Variants in GC observed in about 807,000 individuals in gnomAD.
The protein encoded by GC is GC vitamin D binding protein.
A neutral mutation model predicts 56.7 loss-of-function variants in GC; 43 were observed. That is an observed-to-expected ratio of 0.76 (90% CI 0.59 to 0.98). GC has a LOEUF of 0.98. GC is among the 50% of genes least tolerant of loss of function. The pLI is 0.00. For synonymous variants in GC, 216 were observed against 202.7 expected, an observed-to-expected ratio of 1.07 and a Z score of -0.56; for missense variants, 529 against 545.9, an observed-to-expected ratio of 0.97 and a Z score of 0.31.
intron 1 of GC, among the ~76,000 whole-genome samples, chr4:71,792,365 G>A (rs1275787688): frequency 1.3e-5 from 2 of 152,122 alleles, no homozygotes; most frequent in Non-Finnish European, 2.9e-5. Flanking sequence ...ATTCTAACTG[G>A]CGTGAGATGG....
At chr4:71,797,971 AT>A (rs1034973716) in intron 1 of GC, among the ~76,000 whole-genome samples, 1 of 152,166 alleles carries the variant, frequency 6.6e-6, no homozygotes, top group Admixed American at 6.5e-5. Context: ...AGTTACACAT[AT>A]TCCCAATGTT....
intron 1 of GC, among the ~76,000 whole-genome samples, chr4:71,782,330 G>A (rs1312478970): frequency 6.6e-6 from 1 of 151,746 alleles, no homozygotes; most frequent in Non-Finnish European, 1.5e-5. Context: ...TAGCTTCTAA[G>A]TAAACTGCTG....
chr4:71,791,999 C>T (rs148568110), intron 1 of GC, among the ~76,000 whole-genome samples: 18,125 of 152,086 alleles, frequency 0.12, 1,492 homozygotes, highest in African/African-American at 0.23. Flanking sequence ...ATGAACTCAT[C>T]CTTTTTTATG....
At chr4:71,784,162 T>G, upstream of GC, 1 of 1,335,704 alleles carries the variant, frequency 7.5e-7, no homozygotes, top group East Asian at 2.9e-5. Context: ...AACACAGAAT[T>G]ATTATTAAAC....
intron 12 of GC, among the ~76,000 whole-genome samples, chr4:71,744,607 A>T (rs1247828076): frequency 3.3e-5 from 5 of 152,150 alleles, no homozygotes; most frequent in African/African-American, 1.2e-4. Context: ...AACATACAAC[A>T]CTAAGGAAAT....
chr4:71,765,365 G>A lies in GC; in HGVS notation c.473+67C>T, dbSNP rs1349062599. On this transcript the variant is annotated intron_variant, in intron 4 of 12. Coordinates refer to ENST00000273951, the MANE Select transcript of GC (RefSeq NM_000583.4). ...TAGAAGAGGTGTTTCCACAGAGTAG[G>A]GGGTTAGATTAGAGTCATTTCTGAT... is the stretch of plus-strand genomic sequence containing the variant. The A allele has an allele frequency of 2.7e-5, 33 of 1,228,506 alleles. 1 individual carries two copies. Among genetic ancestry groups the A allele is most frequent in the Non-Finnish European group, 3.1e-5 (26 of 831,558 alleles). 76.1% of individuals were successfully genotyped at this position (1,228,506 alleles called of 1,614,324 possible). A position where few individuals can be genotyped will look rare whatever the true frequency, so the allele number is the denominator to read the frequency against.
intron 12 of GC, among the ~76,000 whole-genome samples, chr4:71,744,458 CAAA>C (rs35292398): frequency 6.0e-5 from 5 of 83,716 alleles, no homozygotes; most frequent in East Asian, 3.5e-4. Context: ...GACTCCATCT[CAAA>C]AAAAAAAAAA....
intron 1 of GC, among the ~76,000 whole-genome samples, chr4:71,773,228 C>T (rs1742398589): frequency 6.6e-6 from 1 of 152,032 alleles, no homozygotes; most frequent in Non-Finnish European, 1.5e-5. Flanking sequence ...TGAAGTGACC[C>T]CCCACAGTAC....
At chr4:71,778,897 A>G (rs506052) in intron 1 of GC, among the ~76,000 whole-genome samples, 418 of 29,148 alleles carry the variant, frequency 0.014, 7 homozygotes, top group Non-Finnish European at 0.073. Context: ...GTCAGTTATT[A>G]TTATTATTAT....
intron 11 of GC, among the ~76,000 whole-genome samples, chr4:71,746,476 A>G (rs960259168): frequency 6.6e-6 from 1 of 151,942 alleles, no homozygotes; most frequent in Non-Finnish European, 1.5e-5. Flanking sequence ...ATTGGGTGCA[A>G]ACAGAATGTT....
Position 71,763,925 on chromosome 4 carries a change from T to TC in GC, c.484dup (p.Glu162GlyfsTer5). On this transcript the variant is annotated frameshift_variant, in exon 5 of 13. Transcript: ENST00000273951. LOFTEE classifies it high-confidence loss of function. ...AGCTTGTCCGTAATTAGTGGAATAT[T>TC]CCCACATAAATCTGTGGAGGAAAAA... 6.2e-7 allele frequency: 1 copy of TC among 1,610,552 alleles called. No homozygotes were observed. Among genetic ancestry groups the TC allele is most frequent in the Non-Finnish European group, 8.5e-7 (1 of 1,177,352 alleles).
intron 4 of GC, among the ~76,000 whole-genome samples, chr4:71,765,062 T>C (rs1025811799): frequency 2.0e-5 from 3 of 152,188 alleles, no homozygotes; most frequent in Non-Finnish European, 1.5e-5. Flanking sequence ...AAATTAAGTA[T>C]TTAAAATGTG....
chr4:71,779,115 A>G (rs1194574057), intron 1 of GC, among the ~76,000 whole-genome samples: 1 of 151,744 alleles, frequency 6.6e-6, no homozygotes, highest in Non-Finnish European at 1.5e-5. Context: ...ATACATATAC[A>G]AAAACCCAAT....
chr4:71,791,558 C>A (rs1742968002), intron 1 of GC, among the ~76,000 whole-genome samples: 1 of 152,030 alleles, frequency 6.6e-6, no homozygotes, highest in Admixed American at 6.6e-5. Context: ...TATCCATGAA[C>A]TTAAAATATC....
At chr4:71,766,009 T>C (rs1742144002) in intron 3 of GC, among the ~76,000 whole-genome samples, 1 of 152,170 alleles carries the variant, frequency 6.6e-6, no homozygotes, top group African/African-American at 2.4e-5. Context: ...CCACAGATGA[T>C]TCTGTCATTA....
chr4:71,781,048 T>C (rs1201984906), intron 1 of GC, among the ~76,000 whole-genome samples: 2 of 152,232 alleles, frequency 1.3e-5, no homozygotes, highest in African/African-American at 2.4e-5. Flanking sequence ...TGGAATACTA[T>C]GCAGCCATAA....
At chr4:71,761,680 A>C (rs1284431809) in intron 6 of GC, among the ~76,000 whole-genome samples, 1 of 152,140 alleles carries the variant, frequency 6.6e-6, no homozygotes, top group African/African-American at 2.4e-5. Flanking sequence ...TGTGCAGTCT[A>C]GGTATTTGGT....
chr4:71,753,812 G>A (rs1446526238), intron 10 of GC, among the ~76,000 whole-genome samples: 2 of 152,316 alleles, frequency 1.3e-5, no homozygotes, highest in East Asian at 3.9e-4. Context: ...ATGCCATGAA[G>A]TTAGATAACA....
chr4:71,784,612 T>C (rs541428491), upstream of GC, among the ~76,000 whole-genome samples: 1 of 151,812 alleles, frequency 6.6e-6, no homozygotes, highest in Non-Finnish European at 1.5e-5. Context: ...TATGAAGTAA[T>C]CTTATTTTAG....
Sources: gnomAD v4.1 joint callset for allele counts (sites outside exome capture counted in the v4.1 genomes callset) on GRCh38, gnomAD v4.1.1 for gene constraint, MANE v1.5 for transcripts, NCBI Gene and HGNC (gene_info 2026-07-23, HGNC 2026-07-21) for gene names.